Variants in ZNF236 observed in about 807,000 individuals in gnomAD.
The protein encoded by ZNF236 is zinc finger protein 236, also known as regulated by glucose.
Under a neutral mutation model 191.2 loss-of-function variants are expected in ZNF236, and 50 were observed. The ratio of observed to expected loss-of-function variants is 0.26; its 90% CI spans 0.21 to 0.33. The LOEUF is 0.33. Among genes scored for constraint, ZNF236 ranks in the 10% least tolerant of loss-of-function variants. The probability of loss-of-function intolerance (pLI) is 1.00; values close to 1 mark genes in which losing one functional copy is unlikely to be tolerated. For synonymous variants in ZNF236, 907 were observed against 928.8 expected (o/e 0.98, Z 0.43); for missense variants, 1,754 against 2,374.5 (o/e 0.74, Z 5.43).
In ZNF236 at chr18:76,960,194, A is replaced by C. The variant is rs919832089; in HGVS notation, c.5242+378A>C. Reference sequence around the variant, plus strand: ...ATTTTTAATCTTCCTCTTCTGTCTTAAAACTTTTTTTCTCTGCTGGCTTTT... The same window carrying C: ...ATTTTTAATCTTCCTCTTCTGTCTTCAAACTTTTTTTCTCTGCTGGCTTTT... On this transcript the variant is annotated intron_variant, in intron 29 of 30. Transcript: ENST00000320610. This position sits in a 1 kb window ranked among gnomAD's most constrained non-coding sequence, Gnocchi z 4.4. Among the ~76,000 whole-genome samples, 1 of 152,184 alleles carries C rather than the reference A, an allele frequency of 6.6e-6. No homozygotes were observed. The highest frequency in any genetic ancestry group is 2.1e-4 in the South Asian group (1 of 4,826).
chr18:76,911,233 C>T (rs913178612), intron 16 of ZNF236, among the ~76,000 whole-genome samples: 1 of 152,150 alleles, frequency 6.6e-6, no homozygotes, highest in Non-Finnish European at 1.5e-5. Context: ...TTATCTCTTA[C>T]TCCTGGTTGG....
In ZNF236 at chr18:76,936,409, C is replaced by A. The variant is rs767046956; in HGVS notation, c.4595-747C>A. ...TCCCATGCTGAACCCGTCTCATCTGCCAGCAAGGTACATGAGTGTCTGTTT... is the reference window on the plus strand; with the variant it reads ...TCCCATGCTGAACCCGTCTCATCTGACAGCAAGGTACATGAGTGTCTGTTT... On this transcript the variant is annotated intron_variant, in intron 25 of 30. Coordinates refer to ENST00000320610, the MANE Select transcript of ZNF236 (RefSeq NM_001306089.2). The A allele has an allele frequency of 1.1e-5, 5 of 456,552 alleles. No homozygotes were observed. In the East Asian group the frequency reaches 2.1e-4, roughly 19 times the overall value. The allele number at this position is 456,552 out of a possible 1,614,324, so 28.3% of individuals were successfully genotyped here. A position where few individuals can be genotyped will look rare whatever the true frequency, so the allele number is the denominator to read the frequency against.
intron 27 of ZNF236, among the ~76,000 whole-genome samples, chr18:76,949,919 A>G (rs973645789): frequency 5.9e-5 from 9 of 151,972 alleles, no homozygotes; most frequent in African/African-American, 2.2e-4. Flanking sequence ...AGCCTCCCAC[A>G]GTGCTGGGAT....
chr18:76,860,327 G>GC (rs1976176840), intron 3 of ZNF236, among the ~76,000 whole-genome samples: 1 of 152,226 alleles, frequency 6.6e-6, no homozygotes, highest in African/African-American at 2.4e-5. Flanking sequence ...GGGGTCACCA[G>GC]CACAGTGAGC....
intron 1 of ZNF236, among the ~76,000 whole-genome samples, chr18:76,833,048 TAAAAATTGGTA>T (rs1320156488): frequency 1.3e-5 from 2 of 152,238 alleles, no homozygotes; most frequent in Admixed American, 1.3e-4. Flanking sequence ...AATTGGTTTT[TAAAAATTGGTA>T]TTGTATCCAA....
Position 76,919,351 on chromosome 18 carries a change from G to A in ZNF236, c.3275-425G>A, listed in dbSNP as rs1411234539. On this transcript the variant is annotated intron_variant, in intron 19 of 30. Transcript: ENST00000320610. The surrounding 1 kb of genome is among the most constrained non-coding windows in gnomAD (Gnocchi z 5.3). The stretch of plus-strand genomic sequence containing the variant: ...ATATTTTGTTTCATGTATAGAATGT[G>A]GAATGATCAAATCAGAGTACTTGGG... Among the ~76,000 whole-genome samples, 1 of 152,078 alleles carries A rather than the reference G, an allele frequency of 6.6e-6. No homozygotes were observed. The highest frequency in any genetic ancestry group is 1.9e-4 in the East Asian group (1 of 5,190).
In ZNF236 at chr18:76,905,305, C is replaced by T. The variant is rs1315547315; in HGVS notation, c.2187C>T (p.Ser729=). 2 of 1,614,054 alleles carry T rather than the reference C, an allele frequency of 1.2e-6. No homozygotes were observed. The highest frequency in any genetic ancestry group is 1.7e-6 in the Non-Finnish European group (2 of 1,180,044). ...ATGGGGCTTTCACTACTGGTGGCAG[C>T]TTACGGCGACACATGGGTATCCACA... The part of the protein sequence containing the change: ...ICNGAFTTGG[S]LRRHMGIHND... Residue 729 remains serine (S), a synonymous_variant, in exon 13 of 31, where the codon AGC becomes AGT. Transcript: ENST00000320610.
rs187716785 is a variant in ZNF236 at position 76,903,697 on chromosome 18, A to G, written c.1895-683A>G. Among the ~76,000 whole-genome samples, 28 of 152,186 alleles carry G rather than the reference A, an allele frequency of 1.8e-4. 1 individual carries two copies. In the East Asian group the frequency reaches 5.2e-3, roughly 28 times the overall value. ...TAAGGAATTCGAAAGTTTACCCCCA[A>G]GCTTGTCCTGAATTCCTGAAATAAT... On this transcript the variant is annotated intron_variant, in intron 11 of 30. Transcript: ENST00000320610.
intron 4 of ZNF236, among the ~76,000 whole-genome samples, chr18:76,869,235 A>C (rs963441618): frequency 6.6e-6 from 1 of 152,232 alleles, no homozygotes; most frequent in African/African-American, 2.4e-5. Context: ...TGTGCCTGAC[A>C]CTGTTCTTAG....
Position 76,916,425 on chromosome 18 carries a change from C to T in ZNF236, c.3274+566C>T, listed in dbSNP as rs572862274. On this transcript the variant is annotated intron_variant, in intron 19 of 30. Transcript: ENST00000320610. ...TTGGTAAAACCTGTGCTTGCCATTA[C>T]GTTGTCTCATGTAATAGACACAAAA... is the stretch of plus-strand genomic sequence containing the variant. 4.6e-5 allele frequency among the ~76,000 whole-genome samples: 7 copies of T among 152,244 alleles called. No individual in the cohort carries two copies. The East Asian group carries it at 7.7e-4, about 17-fold the overall frequency.
chr18:76,823,632 A>G (rs188404939), intron 1 of ZNF236, among the ~76,000 whole-genome samples: 4 of 152,320 alleles, frequency 2.6e-5, no homozygotes, highest in Non-Finnish European at 1.5e-5. Context: ...TTTGTTTTCC[A>G]AGGAAGGAGA....
intron 1 of ZNF236, among the ~76,000 whole-genome samples, chr18:76,839,946 G>A (rs1389095360): frequency 2.0e-5 from 3 of 152,136 alleles, no homozygotes; most frequent in Admixed American, 6.5e-5. Context: ...ATATGCTGCT[G>A]GATCATTTTC....
intron 25 of ZNF236, among the ~76,000 whole-genome samples, chr18:76,934,141 C>T (rs1248895368): frequency 6.6e-6 from 1 of 152,214 alleles, no homozygotes; most frequent in East Asian, 1.9e-4. Flanking sequence ...TAGGTTAACT[C>T]TGGCTGTTTC....
At chr18:76,967,477 TA>T in intron 30 of ZNF236, among the ~76,000 whole-genome samples, 1 of 93,570 alleles carries the variant, frequency 1.1e-5, no homozygotes, top group Non-Finnish European at 2.3e-5. Flanking sequence ...GATTTGGTGT[TA>T]GGGGTGGTGA....
chr18:76,972,427 CCTCACA>C lies in ZNF236; in HGVS notation c.*4090_*4095del, dbSNP rs1342371701. Among the ~76,000 whole-genome samples, 1 of 151,962 alleles carries C rather than the reference CCTCACA, an allele frequency of 6.6e-6. No individual in the cohort carries two copies. The highest frequency in any genetic ancestry group is 2.4e-5 in the African/African-American group (1 of 41,328). On this transcript the variant is annotated 3_prime_UTR_variant, in exon 31 of 31. Transcript: ENST00000320610. ...GGATGAGCACATAGCTCACCCTCAC[CCTCACA>C]CACTCACCCACACACTCACCCTCAC...
At chr18:76,935,676 C>T (rs77128059) in intron 25 of ZNF236, among the ~76,000 whole-genome samples, 4,741 of 152,286 alleles carry the variant, frequency 0.031, 244 homozygotes, top group African/African-American at 0.11. Context: ...GCCACCTGCC[C>T]GCCCGCCCCA....
At chr18:76,823,721 C>A (rs146276195) in intron 1 of ZNF236, among the ~76,000 whole-genome samples, 1 of 152,272 alleles carries the variant, frequency 6.6e-6, no homozygotes, top group Non-Finnish European at 1.5e-5. Context: ...CAGGAATTGA[C>A]TTGCCTTCCA....
At chr18:76,890,373 C>G (rs928742407) in intron 9 of ZNF236, among the ~76,000 whole-genome samples, 1 of 151,960 alleles carries the variant, frequency 6.6e-6, no homozygotes, top group Admixed American at 6.6e-5. Flanking sequence ...TAAAATTGAC[C>G]CAGTACTATT....
intron 1 of ZNF236, among the ~76,000 whole-genome samples, chr18:76,825,149 C>T (rs895032167): frequency 6.6e-6 from 1 of 152,158 alleles, no homozygotes; most frequent in African/African-American, 2.4e-5. Flanking sequence ...TTGCCATTTC[C>T]TAGTCTGAGA....
Sources: allele counts gnomAD v4.1 joint callset (sites outside exome capture counted in the v4.1 genomes callset), GRCh38; gene constraint gnomAD v4.1.1; non-coding constraint Gnocchi (gnomAD v3.1); transcripts MANE v1.5; gene names NCBI Gene and HGNC (gene_info 2026-07-23, HGNC 2026-07-21).